HOXA3: variants seen among roughly 807,000 people sequenced by gnomAD.
HOXA3 encodes the protein homeobox protein Hox-A3.
A neutral mutation model predicts 30.3 loss-of-function variants in HOXA3; 8 were observed. The ratio of observed to expected loss-of-function variants is 0.26; its 90% CI spans 0.15 to 0.48. The LOEUF is 0.48. Ranked by LOEUF, HOXA3 falls within the 20% of genes least tolerant of loss-of-function variation. The probability of loss-of-function intolerance (pLI) is 0.99; values close to 1 mark genes in which losing one functional copy is unlikely to be tolerated. For missense variants in HOXA3, 653 were observed against 614.4 expected (o/e 1.06, Z -0.66); for synonymous variants, 323 against 273.1 (o/e 1.18, Z -1.80).
chr7:27,126,773 G>A (rs1030277478), intron 3 of HOXA3, 113 bp downstream of exon 3: 1 of 152,160 alleles, frequency 6.6e-6, no homozygotes, highest in Non-Finnish European at 1.5e-5. Flanking sequence ...GGACTTATAA[G>A]TGCAAGTGAA....
chr7:27,129,007 C>T (rs764639295), intron 2 of HOXA3: 22 of 602,162 alleles, frequency 3.7e-5, no homozygotes, highest in Non-Finnish European at 5.9e-5. Flanking sequence ...GCAGGTTGTT[C>T]CACCAGCCAG....
chr7:27,110,470 G>C lies in HOXA3; in HGVS notation c.171C>G (p.Ser57Arg). The change falls in exon 5 of 6, where the codon AGC becomes AGG. Residue 57 changes from serine to arginine, a missense_variant. Around this residue, in one of 3 missense-constraint regions of HOXA3, gnomAD observed 320 missense variants for 321.9 expected, o/e 0.99. Coordinates refer to ENST00000612286, the MANE Select transcript of HOXA3 (RefSeq NM_153631.3). ...CGTGTGCCTTGGGGTGGCCCCCGGCGCTGGAGGGAGACTGGAGGGAGCAGG... is the reference window on the plus strand; with the variant it reads ...CGTGTGCCTTGGGGTGGCCCCCGGCCCTGGAGGGAGACTGGAGGGAGCAGG... ...RPACSLQSPS[S>R]AGGHPKAHEL... 1 of 1,598,490 alleles carries C rather than the reference G, an allele frequency of 6.3e-7. No homozygotes were observed. Among genetic ancestry groups the C allele is most frequent in the Non-Finnish European group, 8.5e-7 (1 of 1,170,508 alleles).
At chr7:27,110,885 C>A (rs1784334576) in intron 4 of HOXA3, 125 bp from the exon 5 acceptor site, 1 of 506,170 alleles carries the variant, frequency 2.0e-6, no homozygotes, top group East Asian at 3.3e-5. Flanking sequence ...ACGACTTGGC[C>A]CCGGGCGCAG....
At chr7:27,114,861 ATAATATATATT>A in intron 4 of HOXA3, among the ~76,000 whole-genome samples, 2 of 98,570 alleles carry the variant, frequency 2.0e-5, no homozygotes, top group East Asian at 5.7e-4. Context: ...TATTATATAT[ATAATATATATT>A]ATATATATGT....
chr7:27,108,456 G>C lies in HOXA3; in HGVS notation c.791C>G (p.Pro264Arg), dbSNP rs1562709675. 6.2e-7 allele frequency: 1 copy of C among 1,614,072 alleles called. No individual in the cohort carries two copies. The highest frequency in any genetic ancestry group is 2.2e-5 in the East Asian group (1 of 44,866). Reference sequence around the variant, plus strand: ...TCCGGGGGGCACGGGGCTGCGACTTGGAGACTGGCCCCCCGATGACGTTAG... The same window carrying C: ...TCCGGGGGGCACGGGGCTGCGACTTCGAGACTGGCCCCCCGATGACGTTAG... ...GMLTSSGGQSPSRSPVPPGAG... is the reference protein window; with the variant it reads ...GMLTSSGGQSRSRSPVPPGAG... The change falls in exon 6 of 6, where the codon CCA becomes CGA. Residue 264 changes from proline (P) to arginine (R), a missense_variant. Around this residue, in one of 3 missense-constraint regions of HOXA3, gnomAD observed 330 missense variants for 274.4 expected, o/e 1.20. Transcript: ENST00000612286. This position sits in a 1 kb window ranked among gnomAD's most constrained non-coding sequence, Gnocchi z 5.0.
chr7:27,121,501 C>A (rs1785012590), intron 4 of HOXA3, among the ~76,000 whole-genome samples: 1 of 152,120 alleles, frequency 6.6e-6, no homozygotes, highest in Non-Finnish European at 1.5e-5. Context: ...CATACAGTAG[C>A]TGAGAAAGTA....
At chr7:27,143,993 G>A (rs2128061077) in intron 1 of HOXA3, among the ~76,000 whole-genome samples, 1 of 152,358 alleles carries the variant, frequency 6.6e-6, no homozygotes, top group East Asian at 1.9e-4. Context: ...TGAGGTTACA[G>A]CCCATTATGG....
chr7:27,113,309 T>C lies in HOXA3; in HGVS notation c.-120-2549A>G, dbSNP rs939670255. 6.6e-6 allele frequency among the ~76,000 whole-genome samples: 1 copy of C among 152,188 alleles called. No individual in the cohort carries two copies. The highest frequency in any genetic ancestry group is 6.5e-5 in the Admixed American group (1 of 15,280). On this transcript the variant is annotated intron_variant, in intron 4 of 5. Coordinates refer to ENST00000612286, the MANE Select transcript of HOXA3 (RefSeq NM_153631.3). The surrounding 1 kb of genome is among the most constrained non-coding windows in gnomAD (Gnocchi z 4.8). ...CTTCAGACATCGCTCCCTCTTCCCA[T>C]TCCCTCCTCTTTCTTAGCCTTCCCT...
At chr7:27,143,697 T>G in intron 1 of HOXA3, 1 of 1,489,170 alleles carries the variant, frequency 6.7e-7, no homozygotes, top group South Asian at 1.4e-5. Flanking sequence ...ATTATGGAAA[T>G]GACTGGGACA....
intron 2 of HOXA3, chr7:27,130,214 C>A (rs1404705406): frequency 6.6e-7 from 1 of 1,525,250 alleles, no homozygotes; most frequent in Admixed American, 1.9e-5. Flanking sequence ...AGCGGGCACG[C>A]GGGGGCGCTG....
In HOXA3 at chr7:27,142,568, C is replaced by A. The variant is rs886759759; in HGVS notation, c.-493-2382G>T. On this transcript the variant is annotated intron_variant, in intron 1 of 5. Coordinates refer to ENST00000612286, the MANE Select transcript of HOXA3 (RefSeq NM_153631.3). ...CCCTTTCCTTCTCTCTCCCTCCTGC[C>A]CCCAAAATTCAGAATCCTGCAGGCT... is the stretch of plus-strand genomic sequence containing the variant. Among the ~76,000 whole-genome samples the A allele has an allele frequency of 3.3e-5, 5 of 152,322 alleles. No homozygotes were observed. The South Asian group carries it at 6.2e-4, about 19-fold the overall frequency.
At chr7:27,125,833 G>C (rs975670091) in intron 3 of HOXA3, among the ~76,000 whole-genome samples, 2 of 152,228 alleles carry the variant, frequency 1.3e-5, no homozygotes, top group Admixed American at 6.5e-5. Flanking sequence ...GGAACTGCTA[G>C]AGGGAAGGCA....
At chr7:27,134,108 T>A (rs1000539675) in intron 2 of HOXA3, 1 of 152,232 alleles carries the variant, frequency 6.6e-6, no homozygotes, top group African/African-American at 2.4e-5. Context: ...CTGTTCTCTA[T>A]CTGATGCATG....
chr7:27,138,865 TCC>T (rs1785798211), intron 2 of HOXA3, among the ~76,000 whole-genome samples: 1 of 152,208 alleles, frequency 6.6e-6, no homozygotes, highest in Non-Finnish European at 1.5e-5. Context: ...ACCAATTTCT[TCC>T]CTAAACTACC....
chr7:27,146,757 A>C (rs752737596), intron 1 of HOXA3, among the ~76,000 whole-genome samples: 1 of 152,126 alleles, frequency 6.6e-6, no homozygotes, highest in Non-Finnish European at 1.5e-5. Context: ...AAGAGTGGGC[A>C]GTTGAGTAGA....
intron 2 of HOXA3, chr7:27,130,334 G>A: frequency 9.0e-7 from 1 of 1,109,228 alleles, no homozygotes; most frequent in Non-Finnish European, 1.1e-6. Context: ...TGCAGGACGT[G>A]GCTCGCATGC....
In HOXA3 at chr7:27,130,569, C is replaced by A. The variant is rs532084815; in HGVS notation, c.-389-3499G>T. The stretch of plus-strand genomic sequence containing the variant: ...CCGCGTGAGGGAGCTGGGGCTGCTG[C>A]AGCGGCAGGTGCTGGGTCGGGGGCG... On this transcript the variant is annotated intron_variant, in intron 2 of 5. Coordinates refer to ENST00000612286, the MANE Select transcript of HOXA3 (RefSeq NM_153631.3). 10,004 of 1,444,114 alleles carry A rather than the reference C, an allele frequency of 6.9e-3. 59 individuals carry two copies. The highest frequency in any genetic ancestry group is 8.1e-3 in the Non-Finnish European group (8,842 of 1,097,238). 89.5% of individuals were successfully genotyped at this position (1,444,114 alleles called of 1,614,324 possible).
chr7:27,141,256 T>G (rs764234150), intron 1 of HOXA3: 3 of 152,404 alleles, frequency 2.0e-5, no homozygotes, highest in Non-Finnish European at 4.4e-5. Flanking sequence ...GTGCAAAGGG[T>G]CCTATAAAGG....
intron 2 of HOXA3, among the ~76,000 whole-genome samples, chr7:27,136,408 A>G (rs1304577733): frequency 6.6e-6 from 1 of 152,248 alleles, no homozygotes; most frequent in Non-Finnish European, 1.5e-5. Context: ...AATTTGGAGC[A>G]GAATGGGAGA....
Sources: allele counts gnomAD v4.1 joint callset (sites outside exome capture counted in the v4.1 genomes callset), GRCh38; gene constraint gnomAD v4.1.1; regional missense constraint gnomAD v4.1.1; non-coding constraint Gnocchi (gnomAD v3.1); transcripts MANE v1.5; gene names NCBI Gene and HGNC (gene_info 2026-07-23, HGNC 2026-07-21).